Variants in PTPRM observed in about 807,000 individuals in gnomAD.
The protein encoded by PTPRM is receptor-type tyrosine-protein phosphatase mu.
In PTPRM, 47 loss-of-function variants were observed where a neutral mutation model predicts 186.7. The observed-to-expected ratio is 0.25, with a 90% CI of 0.20 to 0.32. The LOEUF is 0.32. Ranked by LOEUF, PTPRM falls within the 10% of genes least tolerant of loss-of-function variation. PTPRM has a pLI of 1.00. For synonymous variants in PTPRM, 668 were observed against 674.9 expected (o/e 0.99, Z 0.16); for missense variants, 1,494 against 1,865.0 (o/e 0.80, Z 3.66).
Position 7,722,635 on chromosome 18 carries a change from A to G in PTPRM, c.74-51514A>G, listed in dbSNP as rs559157744. On this transcript the variant is annotated intron_variant, in intron 1 of 32. Transcript: ENST00000580170. ...GATTGACAGGTTTGCCAGTGGCAAC[A>G]TAAAAACTTTCAAGAAAAAGTTTTT... Among the ~76,000 whole-genome samples the G allele has an allele frequency of 3.5e-4, 49 of 138,676 alleles. No individual in the cohort carries two copies. In the South Asian group the frequency reaches 0.012, roughly 34 times the overall value. The allele number at this position is 138,676 out of a possible 152,430, so 91.0% of individuals were successfully genotyped here. A position where few individuals can be genotyped will look rare whatever the true frequency, so the allele number is the denominator to read the frequency against.
At chr18:8,292,840 G>A (rs951400262) in intron 19 of PTPRM, among the ~76,000 whole-genome samples, 1 of 152,200 alleles carries the variant, frequency 6.6e-6, no homozygotes, top group Non-Finnish European at 1.5e-5. Flanking sequence ...GAGACAAGCA[G>A]AGATAATCTT....
intron 14 of PTPRM, among the ~76,000 whole-genome samples, chr18:8,172,337 C>G (rs946309329): frequency 1.4e-5 from 2 of 144,736 alleles, no homozygotes; most frequent in African/African-American, 5.1e-5. Context: ...TATAGATGAT[C>G]TTGTTTTATG....
chr18:8,078,974 T>C (rs1159539657), intron 9 of PTPRM, among the ~76,000 whole-genome samples: 1 of 152,226 alleles, frequency 6.6e-6, no homozygotes, highest in Non-Finnish European at 1.5e-5. Flanking sequence ...ACATGAAATT[T>C]GAAGGGGACA....
intron 14 of PTPRM, among the ~76,000 whole-genome samples, chr18:8,220,909 C>T (rs2094146001): frequency 6.6e-6 from 1 of 152,154 alleles, no homozygotes; most frequent in African/African-American, 2.4e-5. Context: ...TCATGAGATC[C>T]ATCAGCATGA....
chr18:8,386,986 T>C, intron 30 of PTPRM, 86 bp from the exon 31 acceptor site: 1 of 1,346,764 alleles, frequency 7.4e-7, no homozygotes, highest in Admixed American at 1.9e-5. Context: ...AATGGGAAGA[T>C]CAAGTAAGTG....
At chr18:8,325,368 A>G (rs756861873) in intron 22 of PTPRM, among the ~76,000 whole-genome samples, 33 of 152,092 alleles carry the variant, frequency 2.2e-4, no homozygotes, top group Non-Finnish European at 1.8e-4. Flanking sequence ...CTTTGTGCCC[A>G]TGTGTTCTCA....
chr18:7,810,301 G>A (rs1216248662), intron 2 of PTPRM, among the ~76,000 whole-genome samples: 1 of 152,214 alleles, frequency 6.6e-6, no homozygotes, highest in Non-Finnish European at 1.5e-5. Flanking sequence ...TCCCCTGGTA[G>A]CGTTTTAATC....
At chr18:8,112,840 G>C (rs570697836) in intron 11 of PTPRM, among the ~76,000 whole-genome samples, 2 of 152,106 alleles carry the variant, frequency 1.3e-5, no homozygotes, top group South Asian at 4.1e-4. Flanking sequence ...AGATTCGAGG[G>C]GCCTTGTTCA....
intron 1 of PTPRM, among the ~76,000 whole-genome samples, chr18:7,660,807 CA>C (rs1269410668): frequency 6.6e-6 from 1 of 151,718 alleles, no homozygotes; most frequent in Admixed American, 6.6e-5. Flanking sequence ...TTGTCTCTAC[CA>C]AAAAACAGAA....
chr18:7,802,182 A>G (rs1168423462), intron 2 of PTPRM, among the ~76,000 whole-genome samples: 2 of 152,112 alleles, frequency 1.3e-5, no homozygotes, highest in African/African-American at 2.4e-5. Context: ...CCTGAGGATC[A>G]TCACCTTGGG....
intron 2 of PTPRM, among the ~76,000 whole-genome samples, chr18:7,863,586 A>G (rs1599134834): frequency 6.6e-6 from 1 of 152,002 alleles, no homozygotes; most frequent in Non-Finnish European, 1.5e-5. Flanking sequence ...CATTTTCTTT[A>G]TCCTGTCTAT....
intron 14 of PTPRM, among the ~76,000 whole-genome samples, chr18:8,224,991 C>T (rs1248996054): frequency 2.0e-5 from 3 of 152,200 alleles, no homozygotes; most frequent in Non-Finnish European, 2.9e-5. Context: ...CCAACCTCAT[C>T]CATCCATTTT....
chr18:7,760,447 G>T (rs998488013), intron 1 of PTPRM, among the ~76,000 whole-genome samples: 1 of 152,184 alleles, frequency 6.6e-6, no homozygotes, highest in Non-Finnish European at 1.5e-5. Context: ...AATGAAAGTT[G>T]AATATATCTG....
At chr18:8,381,745 T>G (rs922423524) in intron 29 of PTPRM, among the ~76,000 whole-genome samples, 3 of 152,188 alleles carry the variant, frequency 2.0e-5, no homozygotes, top group Non-Finnish European at 1.5e-5. Flanking sequence ...GGGTCCTGAT[T>G]TTCTCACTTA....
intron 4 of PTPRM, among the ~76,000 whole-genome samples, chr18:7,923,546 A>C (rs756763395): frequency 2.6e-5 from 4 of 152,256 alleles, no homozygotes; most frequent in Non-Finnish European, 5.9e-5. Flanking sequence ...TTATTTTCAC[A>C]GGACAGAGTT....
chr18:7,783,623 G>A (rs2042956675), intron 2 of PTPRM, among the ~76,000 whole-genome samples: 1 of 151,998 alleles, frequency 6.6e-6, no homozygotes, highest in African/African-American at 2.4e-5. Flanking sequence ...CTGTGTTGGA[G>A]TGCAGTGGCG....
chr18:7,651,443 A>G (rs1203171646), intron 1 of PTPRM, among the ~76,000 whole-genome samples: 1 of 152,216 alleles, frequency 6.6e-6, no homozygotes, highest in African/African-American at 2.4e-5. Context: ...CGCATCGCCA[A>G]GTCAATCCTA....
intron 7 of PTPRM, chr18:7,995,505 A>G (rs549972132): frequency 2.6e-5 from 4 of 152,236 alleles, no homozygotes; most frequent in Non-Finnish European, 5.9e-5. Context: ...CATGATGAAC[A>G]TAAGTGTAAA....
chr18:7,640,975 A>G (rs916770030), intron 1 of PTPRM, among the ~76,000 whole-genome samples: 1 of 152,224 alleles, frequency 6.6e-6, no homozygotes, highest in African/African-American at 2.4e-5. Context: ...TGATAAATGC[A>G]GATGAGAATA....
Sources: gnomAD v4.1 joint callset for allele counts (sites outside exome capture counted in the v4.1 genomes callset) on GRCh38, gnomAD v4.1.1 for gene constraint, MANE v1.5 for transcripts, NCBI Gene and HGNC (gene_info 2026-07-23, HGNC 2026-07-21) for gene names.